The following SLIT2 variants were observed in gnomAD, a reference collection of about 807,000 sequenced individuals.
SLIT2 encodes slit homolog 2 protein.
A neutral mutation model predicts 185.7 loss-of-function variants in SLIT2; 41 were observed. That is an observed-to-expected ratio of 0.22 (90% CI 0.17 to 0.29). The LOEUF (loss-of-function observed/expected upper bound fraction) is 0.29, where lower values mean the gene tolerates loss of function less well. Ranked by LOEUF, SLIT2 falls within the 10% of genes least tolerant of loss-of-function variation. SLIT2 has a pLI of 1.00. For missense variants in SLIT2, 1,571 were observed against 1,909.0 expected (o/e 0.82, Z 3.30); for synonymous variants, 693 against 680.2 (o/e 1.02, Z -0.29).
At chr4:20,443,606 AAAAG>A (rs1729937741) in intron 4 of SLIT2, among the ~76,000 whole-genome samples, 2 of 151,418 alleles carry the variant, frequency 1.3e-5, no homozygotes, top group Admixed American at 6.6e-5. Flanking sequence ...AAAAAAAAAA[AAAAG>A]AGTAATTTGG....
At chr4:20,530,000 T>C (rs909641784) in intron 16 of SLIT2, among the ~76,000 whole-genome samples, 48 of 152,350 alleles carry the variant, frequency 3.2e-4, no homozygotes, top group African/African-American at 1.1e-3. Context: ...CCTATACTCA[T>C]GCCTGTACTT....
chr4:20,388,739 A>T (rs569285754), intron 4 of SLIT2, among the ~76,000 whole-genome samples: 1 of 149,302 alleles, frequency 6.7e-6, no homozygotes, highest in African/African-American at 2.5e-5. Flanking sequence ...ATGCTCCTGC[A>T]CTCCAGCCTG....
intron 4 of SLIT2, among the ~76,000 whole-genome samples, chr4:20,341,979 G>A (rs1720996514): frequency 6.6e-6 from 1 of 152,130 alleles, no homozygotes; most frequent in African/African-American, 2.4e-5. Flanking sequence ...TTTTCTGGTA[G>A]TCAAAATCTA....
At chr4:20,304,156 G>T (rs928364046) in intron 4 of SLIT2, among the ~76,000 whole-genome samples, 3 of 152,094 alleles carry the variant, frequency 2.0e-5, no homozygotes, top group Admixed American at 6.5e-5. Context: ...GTCACAAAAA[G>T]TTCCTACCAG....
chr4:20,296,701 C>T (rs1467100767), intron 4 of SLIT2, among the ~76,000 whole-genome samples: 2 of 152,088 alleles, frequency 1.3e-5, no homozygotes, highest in African/African-American at 2.4e-5. Context: ...TTTACACTGC[C>T]GCACCACCCT....
At chr4:20,310,686 G>A (rs1488629654) in intron 4 of SLIT2, among the ~76,000 whole-genome samples, 3 of 152,086 alleles carry the variant, frequency 2.0e-5, no homozygotes, top group African/African-American at 7.2e-5. Context: ...CTAAACCCAC[G>A]CCCCTGCAGG....
intron 4 of SLIT2, among the ~76,000 whole-genome samples, chr4:20,423,713 C>T (rs1728340864): frequency 6.6e-6 from 1 of 151,760 alleles, no homozygotes; most frequent in African/African-American, 2.4e-5. Context: ...ATGACGGAAT[C>T]AAATATTGAA....
rs1458679501 is a variant in SLIT2 at position 20,276,455 on chromosome 4, T to A, written c.395+7574T>A. On this transcript the variant is annotated intron_variant, in intron 4 of 36. Transcript: ENST00000504154. Reference sequence around the variant, plus strand: ...AAGCAGTGAAGAGTAAAAAGACCAGTCCTTGACAACACCTATGGCCTAGGG... The same window carrying A: ...AAGCAGTGAAGAGTAAAAAGACCAGACCTTGACAACACCTATGGCCTAGGG... 3.3e-5 allele frequency among the ~76,000 whole-genome samples: 5 copies of A among 152,256 alleles called. No homozygotes were observed. The South Asian group carries it at 8.3e-4, about 25-fold the overall frequency.
At chr4:20,536,164 G>T (rs1330705366) in intron 18 of SLIT2, among the ~76,000 whole-genome samples, 1 of 152,182 alleles carries the variant, frequency 6.6e-6, no homozygotes, top group Non-Finnish European at 1.5e-5. Context: ...CAAGAATGGA[G>T]CTTGCAGAAC....
chr4:20,468,282 A>G (rs1320961495), intron 5 of SLIT2, among the ~76,000 whole-genome samples: 1 of 152,090 alleles, frequency 6.6e-6, no homozygotes, highest in Non-Finnish European at 1.5e-5. Flanking sequence ...GAAATAGTAG[A>G]TAATATTTTC....
chr4:20,508,758 G>A (rs977163435), intron 9 of SLIT2, among the ~76,000 whole-genome samples: 1 of 152,034 alleles, frequency 6.6e-6, no homozygotes, highest in Admixed American at 6.6e-5. Context: ...TGAGCACCAA[G>A]GAGATAGAGT....
At chr4:20,514,151 C>A (rs1719989978) in intron 11 of SLIT2, among the ~76,000 whole-genome samples, 1 of 152,096 alleles carries the variant, frequency 6.6e-6, no homozygotes. Flanking sequence ...CATGCAAGTA[C>A]AAGGCAACAC....
intron 4 of SLIT2, among the ~76,000 whole-genome samples, chr4:20,407,898 A>G (rs1421666903): frequency 6.6e-6 from 1 of 152,172 alleles, no homozygotes; most frequent in Non-Finnish European, 1.5e-5. Context: ...TGAAAGGCCT[A>G]TTCTGTGATC....
At chr4:20,400,506 A>G (rs1004237914) in intron 4 of SLIT2, among the ~76,000 whole-genome samples, 2 of 151,706 alleles carry the variant, frequency 1.3e-5, no homozygotes, top group South Asian at 4.1e-4. Flanking sequence ...AGCCTTAGCT[A>G]TAGGGGAGTT....
chr4:20,386,620 C>T (rs1174419040), intron 4 of SLIT2, among the ~76,000 whole-genome samples: 2 of 152,162 alleles, frequency 1.3e-5, no homozygotes, highest in Non-Finnish European at 2.9e-5. Context: ...ATTCAGTCCT[C>T]AACCACTGAT....
rs1465904597 is a variant in SLIT2 at position 20,614,375 on chromosome 4, A to G, written c.3848-2535A>G. On this transcript the variant is annotated intron_variant, in intron 34 of 36. Transcript: ENST00000504154. Reference sequence around the variant, plus strand: ...TATTGCCATTTTGAGGCCTGTAGAAATAAGGCTAAAAGCTGTTTGCTAAGT... The same window carrying G: ...TATTGCCATTTTGAGGCCTGTAGAAGTAAGGCTAAAAGCTGTTTGCTAAGT... 2.6e-5 allele frequency among the ~76,000 whole-genome samples: 4 copies of G among 152,146 alleles called. No homozygotes were observed. In the East Asian group the frequency reaches 7.7e-4, roughly 29 times the overall value.
rs781428490 is a variant in SLIT2, at chr4:20,484,450, AT to A, written c.540-1744del. ...CTGTAGGTCCCCCATAAAGTGGTTT[AT>A]TTTTTGTGACTTAATTCAAATGACT... On this transcript the variant is annotated intron_variant, in intron 6 of 36. Transcript: ENST00000504154. The surrounding 1 kb of genome is among the most constrained non-coding windows in gnomAD (Gnocchi z 4.3). Among the ~76,000 whole-genome samples the A allele has an allele frequency of 2.0e-5, 3 of 152,118 alleles. No individual in the cohort carries two copies. The highest frequency in any genetic ancestry group is 1.3e-4 in the Admixed American group (2 of 15,262).
intron 26 of SLIT2, among the ~76,000 whole-genome samples, chr4:20,566,956 T>G (rs1725138768): frequency 6.6e-6 from 1 of 151,876 alleles, no homozygotes; most frequent in African/African-American, 2.4e-5. Flanking sequence ...AAGAAACACA[T>G]CCACATAAAC....
intron 20 of SLIT2, 87 bp downstream of exon 20, chr4:20,541,706 G>A: frequency 8.6e-7 from 1 of 1,156,496 alleles, no homozygotes; most frequent in Non-Finnish European, 1.3e-6. Context: ...GCATAGTTCA[G>A]CTCAGCAAAT....
Sources: allele counts gnomAD v4.1 joint callset (sites outside exome capture counted in the v4.1 genomes callset), GRCh38; gene constraint gnomAD v4.1.1; non-coding constraint Gnocchi (gnomAD v3.1); transcripts MANE v1.5; gene names NCBI Gene and HGNC (gene_info 2026-07-23, HGNC 2026-07-21).